SORCS3: variants seen among roughly 807,000 people sequenced by gnomAD.
SORCS3 encodes the protein VPS10 domain-containing receptor SorCS3.
SORCS3 carries 57 observed loss-of-function variants against 146.3 expected under a neutral mutation model. The observed-to-expected ratio is 0.39, with a 90% CI of 0.31 to 0.49. The LOEUF (loss-of-function observed/expected upper bound fraction) is 0.49, where lower values mean the gene tolerates loss of function less well. Ranked by LOEUF, SORCS3 falls within the 20% of genes least tolerant of loss-of-function variation. The probability of loss-of-function intolerance (pLI) is 0.92; values close to 1 mark genes in which losing one functional copy is unlikely to be tolerated. For missense variants in SORCS3, 1,341 were observed against 1,575.5 expected, an observed-to-expected ratio of 0.85 and a Z score of 2.52; for synonymous variants, 653 against 618.5, an observed-to-expected ratio of 1.06 and a Z score of -0.83.
At chr10:105,184,178 C>A (rs1275348781) in intron 14 of SORCS3, among the ~76,000 whole-genome samples, 1 of 152,194 alleles carries the variant, frequency 6.6e-6, no homozygotes, top group Non-Finnish European at 1.5e-5. Context: ...AGATTTTAGG[C>A]TTTGCTGGCC....
At chr10:105,168,627 G>A (rs1033682087) in intron 13 of SORCS3, among the ~76,000 whole-genome samples, 6 of 151,986 alleles carry the variant, frequency 3.9e-5, no homozygotes, top group Admixed American at 6.6e-5. Flanking sequence ...GGAAAGCATC[G>A]GACTGTAATC....
chr10:104,681,675 C>A (rs1362848712), intron 1 of SORCS3, among the ~76,000 whole-genome samples: 3 of 152,140 alleles, frequency 2.0e-5, no homozygotes, highest in African/African-American at 7.2e-5. Context: ...TGCACCCTCA[C>A]CTCATTCCTG....
At chr10:104,743,607 G>A (rs113974449) in intron 1 of SORCS3, among the ~76,000 whole-genome samples, 256 of 152,232 alleles carry the variant, frequency 1.7e-3, no homozygotes, top group Non-Finnish European at 2.7e-3. Context: ...TAAAGGAGGT[G>A]AACTTCTGGG....
chr10:104,682,506 AG>A (rs1427467232), intron 1 of SORCS3, among the ~76,000 whole-genome samples: 2 of 152,212 alleles, frequency 1.3e-5, no homozygotes, highest in Non-Finnish European at 2.9e-5. Context: ...TCAGCAGGTT[AG>A]CTTTTATTTT....
chr10:104,746,514 TA>T (rs761246026), intron 1 of SORCS3, among the ~76,000 whole-genome samples: 75 of 152,362 alleles, frequency 4.9e-4, no homozygotes, highest in Admixed American at 2.4e-3. Context: ...TTTTTTGTGG[TA>T]AAAGCATTTG....
At chr10:104,985,633 T>C (rs978338996) in intron 4 of SORCS3, among the ~76,000 whole-genome samples, 10 of 152,212 alleles carry the variant, frequency 6.6e-5, no homozygotes, top group Admixed American at 6.5e-4. Flanking sequence ...TATAGTCTTA[T>C]GAAATGTATT....
At chr10:104,906,091 T>C (rs797012013) in intron 2 of SORCS3, among the ~76,000 whole-genome samples, 5 of 152,312 alleles carry the variant, frequency 3.3e-5, no homozygotes, top group African/African-American at 1.2e-4. Flanking sequence ...ACAGACATAA[T>C]TGTGCACATG....
intron 4 of SORCS3, among the ~76,000 whole-genome samples, chr10:104,978,273 T>C (rs925006973): frequency 2.6e-5 from 4 of 152,186 alleles, no homozygotes; most frequent in Non-Finnish European, 5.9e-5. Context: ...CATTGGAATA[T>C]ACCATTGCTC....
Position 105,158,710 on chromosome 10 carries a change from G to A in SORCS3, c.1630-182G>A, listed in dbSNP as rs146301799. On this transcript the variant is annotated intron_variant, in intron 10 of 26. Coordinates refer to ENST00000369701, the MANE Select transcript of SORCS3 (RefSeq NM_014978.3). ...GGGTTTATGGAAGGTACTCAGTGGA[G>A]CTTCTAATGTGAGCATACCAGCTAT... 4.3e-3 allele frequency among the ~76,000 whole-genome samples: 659 copies of A among 152,252 alleles called. 7 individuals are homozygous for A. Among genetic ancestry groups the A allele is most frequent in the African/African-American group, 0.015 (643 of 41,538 alleles).
intron 3 of SORCS3, among the ~76,000 whole-genome samples, chr10:104,969,183 C>A (rs1273164913): frequency 6.6e-6 from 1 of 152,096 alleles, no homozygotes; most frequent in Non-Finnish European, 1.5e-5. Flanking sequence ...GCACCTACAA[C>A]TAACCTATAT....
intron 4 of SORCS3, among the ~76,000 whole-genome samples, chr10:105,015,590 A>G (rs1422417289): frequency 1.3e-5 from 2 of 152,218 alleles, no homozygotes; most frequent in East Asian, 3.9e-4. Flanking sequence ...TTCAAGATAC[A>G]TACCTATGGG....
chr10:105,164,476 T>C (rs778863105), intron 12 of SORCS3, 97 bp downstream of exon 12: 7 of 938,840 alleles, frequency 7.5e-6, no homozygotes, highest in Non-Finnish European at 1.2e-5. Flanking sequence ...ATTATGACTT[T>C]GTAATTTCAA....
intron 20 of SORCS3, among the ~76,000 whole-genome samples, chr10:105,224,666 G>C (rs2056723669): frequency 6.6e-6 from 1 of 152,128 alleles, no homozygotes; most frequent in Non-Finnish European, 1.5e-5. Context: ...CCACTAAACT[G>C]TCTTCCAAAC....
rs560531576 is a variant in SORCS3 at position 104,736,049 on chromosome 10, C to A, written c.627+94095C>A. Among the ~76,000 whole-genome samples, 10 of 152,244 alleles carry A rather than the reference C, an allele frequency of 6.6e-5. No homozygotes were observed. In the East Asian group the frequency reaches 1.9e-3, roughly 29 times the overall value. On this transcript the variant is annotated intron_variant, in intron 1 of 26. Coordinates refer to ENST00000369701, the MANE Select transcript of SORCS3 (RefSeq NM_014978.3). ...CATTTTCTCTTTCATCTCGGCTCAT[C>A]CCCCTTGGGCTGGTGTTAAACAGCT...
At chr10:104,679,938 AAGAG>A (rs1274608379) in intron 1 of SORCS3, among the ~76,000 whole-genome samples, 20 of 152,186 alleles carry the variant, frequency 1.3e-4, no homozygotes, top group East Asian at 1.9e-4. Flanking sequence ...AAACGAAAAA[AAGAG>A]AGAGCATATA....
At chr10:104,884,741 A>G (rs1326612279) in intron 2 of SORCS3, among the ~76,000 whole-genome samples, 1 of 152,096 alleles carries the variant, frequency 6.6e-6, no homozygotes, top group African/African-American at 2.4e-5. Context: ...AAAAAAAGAC[A>G]TTTCTAAAAT....
chr10:105,074,903 A>G, intron 5 of SORCS3, among the ~76,000 whole-genome samples: 1 of 152,346 alleles, frequency 6.6e-6, no homozygotes, highest in Middle Eastern at 3.4e-3. Flanking sequence ...GCTGAGATAC[A>G]ATTAAAAATG....
At chr10:104,826,358 A>G (rs2017934834) in intron 1 of SORCS3, among the ~76,000 whole-genome samples, 1 of 152,134 alleles carries the variant, frequency 6.6e-6, no homozygotes, top group Admixed American at 6.5e-5. Context: ...TCTTTCATCT[A>G]CACCCCATTA....
chr10:104,712,359 T>C (rs2016428534), intron 1 of SORCS3, among the ~76,000 whole-genome samples: 1 of 152,196 alleles, frequency 6.6e-6, no homozygotes, highest in Non-Finnish European at 1.5e-5. Context: ...TCCTAATTAG[T>C]CTATTTAACG....
Sources: allele counts gnomAD v4.1 joint callset (sites outside exome capture counted in the v4.1 genomes callset), GRCh38; gene constraint gnomAD v4.1.1; transcripts MANE v1.5; gene names NCBI Gene and HGNC (gene_info 2026-07-23, HGNC 2026-07-21).